Variants in BLTP3B observed in about 807,000 individuals in gnomAD.
The protein encoded by BLTP3B is bridge-like lipid transfer protein family member 3B, also known as UHRF1 (ICBP90) binding protein 1-like.
At chr12:100,037,462 C>T in the BLTP3B span, 2 of 1,387,632 alleles carry the variant, frequency 1.4e-6, no homozygotes, top group South Asian at 3.3e-5. Context: ...GATTGTAATG[C>T]CCGTACTAAT....
At chr12:100,080,721 G>C in the BLTP3B span, among the ~76,000 whole-genome samples, 1 of 152,180 alleles carries the variant, frequency 6.6e-6, no homozygotes, top group African/African-American at 2.4e-5. Context: ...ACATTGGACT[G>C]TGGACTTCTG....
chr12:100,131,713 C>A, the BLTP3B span, among the ~76,000 whole-genome samples: 1 of 152,116 alleles, frequency 6.6e-6, no homozygotes, highest in African/African-American at 2.4e-5. Flanking sequence ...TATAACTACT[C>A]GATTTTCACT....
chr12:100,057,046 A>T, the BLTP3B span, among the ~76,000 whole-genome samples: 1 of 152,168 alleles, frequency 6.6e-6, no homozygotes, highest in Non-Finnish European at 1.5e-5. Flanking sequence ...AAAATGGGAA[A>T]ATCATGTAGT....
At chr12:100,130,458 ACCTT>A in the BLTP3B span, among the ~76,000 whole-genome samples, 21 of 152,314 alleles carry the variant, frequency 1.4e-4, no homozygotes, top group African/African-American at 4.6e-4. Context: ...ATTTTACAGA[ACCTT>A]CCTTAAGTAC....
the BLTP3B span, among the ~76,000 whole-genome samples, chr12:100,133,516 G>C: frequency 1.4e-4 from 22 of 152,310 alleles, no homozygotes; most frequent in African/African-American, 5.3e-4. Flanking sequence ...TGTTGAGGTG[G>C]GGTGGGGGCG....
chr12:100,130,672 T>C, the BLTP3B span, among the ~76,000 whole-genome samples: 1 of 152,088 alleles, frequency 6.6e-6, no homozygotes, highest in East Asian at 1.9e-4. Flanking sequence ...TCCCAGCACT[T>C]TGGGAGGCCA....
At chr12:100,052,533 A>G in the BLTP3B span, among the ~76,000 whole-genome samples, 42 of 152,154 alleles carry the variant, frequency 2.8e-4, no homozygotes, top group Non-Finnish European at 5.1e-4. Flanking sequence ...TTCCAGAAAC[A>G]GGTACAACAG....
chr12:100,112,858 C>CAAA, the BLTP3B span, among the ~76,000 whole-genome samples: 29 of 60,582 alleles, frequency 4.8e-4, no homozygotes, highest in African/African-American at 1.5e-3. Context: ...GACTCCATCT[C>CAAA]AAAAAAAAAA....
chr12:100,101,087 A>T, the BLTP3B span, among the ~76,000 whole-genome samples: 1 of 152,232 alleles, frequency 6.6e-6, no homozygotes, highest in Non-Finnish European at 1.5e-5. Flanking sequence ...GACTCTAGCC[A>T]ACCTAAAGGC....
At chr12:100,096,582 G>T in the BLTP3B span, among the ~76,000 whole-genome samples, 2 of 151,998 alleles carry the variant, frequency 1.3e-5, no homozygotes, top group Non-Finnish European at 2.9e-5. Context: ...ACTTTGGGAG[G>T]TCAAGACAGA....
At chr12:100,109,159 CCTCTCTCTCTCTCTCTCTCTCTCTCTCT>C in the BLTP3B span, among the ~76,000 whole-genome samples, 4 of 65,328 alleles carry the variant, frequency 6.1e-5, no homozygotes, top group Admixed American at 1.8e-4. Flanking sequence ...TGGCAGTTTT[CCTCTCTCTCTCTCTCTCTCTCTCTCTCT>C]CTCTCTCTCT....
At chr12:100,103,991 G>T in the BLTP3B span, 2 of 1,503,540 alleles carry the variant, frequency 1.3e-6, no homozygotes, top group East Asian at 4.6e-5. Flanking sequence ...CAATCATTAA[G>T]AAGAAAATAA....
the BLTP3B span, among the ~76,000 whole-genome samples, chr12:100,130,982 G>GGGGAGAGAGAGA: frequency 3.2e-5 from 2 of 62,236 alleles, no homozygotes; most frequent in Non-Finnish European, 5.8e-5. Context: ...AGAGAGGGAG[G>GGGGAGAGAGAGA]GAGAGAGAGA....
At chr12:100,069,415 G>A in the BLTP3B span, among the ~76,000 whole-genome samples, 4 of 151,334 alleles carry the variant, frequency 2.6e-5, no homozygotes, top group Non-Finnish European at 5.9e-5. Context: ...GTGGTGGGTG[G>A]GGGTGTTTGT....
the BLTP3B span, among the ~76,000 whole-genome samples, chr12:100,092,218 A>C: frequency 1.3e-5 from 2 of 152,206 alleles, no homozygotes; most frequent in Non-Finnish European, 2.9e-5. Flanking sequence ...TGTAAAGTTG[A>C]GCAAAGAAAC....
the BLTP3B span, among the ~76,000 whole-genome samples, chr12:100,061,454 G>A: frequency 4.6e-5 from 7 of 152,124 alleles, no homozygotes; most frequent in African/African-American, 1.4e-4. Flanking sequence ...TCAGGAGATC[G>A]AGACCATCCT....
the BLTP3B span, among the ~76,000 whole-genome samples, chr12:100,138,959 G>A: frequency 9.9e-5 from 15 of 152,254 alleles, no homozygotes; most frequent in South Asian, 1.4e-3. Context: ...CTCTTTAGAA[G>A]TTTCCATTCC....
chr12:100,106,800 G>GT, the BLTP3B span, among the ~76,000 whole-genome samples: 1 of 152,082 alleles, frequency 6.6e-6, no homozygotes, highest in Admixed American at 6.6e-5. Context: ...AGATATTTAG[G>GT]TTTCCAAAGG....
the BLTP3B span, among the ~76,000 whole-genome samples, chr12:100,065,976 AC>A: frequency 6.6e-6 from 1 of 151,974 alleles, no homozygotes; most frequent in South Asian, 2.1e-4. Flanking sequence ...ATGTGATGTC[AC>A]CCCCTGGCGG....
Sources: gnomAD v4.1 joint callset for allele counts (sites outside exome capture counted in the v4.1 genomes callset) on GRCh38, gnomAD v4.1.1 for gene constraint, MANE v1.5 for transcripts, NCBI Gene and HGNC (gene_info 2026-07-23, HGNC 2026-07-21) for gene names.